Variants in ZIC4 observed in about 807,000 individuals in gnomAD.
The protein encoded by ZIC4 is zinc finger protein ZIC 4.
ZIC4 carries 15 observed loss-of-function variants against 28.8 expected under a neutral mutation model. That is an observed-to-expected ratio of 0.52 (90% CI 0.35 to 0.80). ZIC4 has a LOEUF of 0.80. Ranked by LOEUF, ZIC4 falls within the 30% of genes least tolerant of loss-of-function variation. The pLI is 0.01. For missense variants in ZIC4, 512 were observed against 467.1 expected, an observed-to-expected ratio of 1.10 and a Z score of -0.89; for synonymous variants, 220 against 198.1, an observed-to-expected ratio of 1.11 and a Z score of -0.93.
chr3:147,404,297 T>C, intron 1 of ZIC4: 1 of 1,414,472 alleles, frequency 7.1e-7, no homozygotes, highest in Non-Finnish European at 9.2e-7. Context: ...CCAGGTCCTG[T>C]CAGCCTTTTG....
At chr3:147,391,464 C>A in intron 3 of ZIC4, 1 of 529,478 alleles carries the variant, frequency 1.9e-6, no homozygotes, top group Non-Finnish European at 3.3e-6. Context: ...CGCCTTCCTC[C>A]TCTGGGCTCA....
Position 147,396,167 on chromosome 3 carries a change from T to C in ZIC4, c.373A>G (p.Lys125Glu). 4 of 1,614,090 alleles carry C rather than the reference T, an allele frequency of 2.5e-6. No individual in the cohort carries two copies. Among genetic ancestry groups the C allele is most frequent in the Non-Finnish European group, 3.4e-6 (4 of 1,180,010 alleles). ...AGCCACTTGCAGATGAGCTCCTGTTTGATGGGCTGGCGCATGTAGCGGAAG... is the reference window on the plus strand; with the variant it reads ...AGCCACTTGCAGATGAGCTCCTGTTCGATGGGCTGGCGCATGTAGCGGAAG... Reference protein sequence around the residue: ...AFFRYMRQPIKQELICKWLAA... With the variant: ...AFFRYMRQPIEQELICKWLAA... The change falls in exon 3 of 5, where the codon AAA becomes GAA. Residue 125 changes from lysine to glutamate, a missense_variant. By Grantham distance (56) the Lys-to-Glu change is moderately conservative. Around this residue, in one of 3 missense-constraint regions of ZIC4, gnomAD observed 310 missense variants for 256.5 expected, o/e 1.21. Coordinates refer to ENST00000383075, the MANE Select transcript of ZIC4 (RefSeq NM_032153.6). The surrounding 1 kb of genome is among the most constrained non-coding windows in gnomAD (Gnocchi z 4.2).
At chr3:147,397,687 C>T (rs534993615) in intron 2 of ZIC4, among the ~76,000 whole-genome samples, 2 of 152,120 alleles carry the variant, frequency 1.3e-5, no homozygotes, top group African/African-American at 4.8e-5. Context: ...GTCCCTGCAG[C>T]CTGCAAGAGG....
rs956682477 is a variant in ZIC4 at position 147,388,164 on chromosome 3, G to A, written c.*695C>T. On this transcript the variant is annotated 3_prime_UTR_variant, in exon 5 of 5. Transcript: ENST00000383075. ...GAGAGCGCAGTGACAGTATTAAATGGCGTGAAAGCAAAGGTCAGCGCAAAT... is the reference window on the plus strand; with the variant it reads ...GAGAGCGCAGTGACAGTATTAAATGACGTGAAAGCAAAGGTCAGCGCAAAT... The A allele has an allele frequency of 6.6e-6, 1 of 152,582 alleles. No homozygotes were observed. The highest frequency in any genetic ancestry group is 1.5e-5 in the Non-Finnish European group (1 of 68,074). 9.5% of individuals were successfully genotyped at this position (152,582 alleles called of 1,614,324 possible).
At position 147,396,254 on chromosome 3, in the gene ZIC4, G is replaced by T; in HGVS notation, c.286C>A (p.His96Asn). 1 of 1,612,950 alleles carries T rather than the reference G, an allele frequency of 6.2e-7. No homozygotes were observed. The highest frequency in any genetic ancestry group is 8.5e-7 in the Non-Finnish European group (1 of 1,179,442). Reference protein sequence around the residue: ...SDALAAAAALHGYGGMNLTVN... With the variant: ...SDALAAAAALNGYGGMNLTVN... ...GTCAGGTTCATGCCCCCGTAGCCAT[G>T]CAGGGCTGCGGCAGCTGCCAGGGCG... Residue 96 changes from histidine to asparagine, a missense_variant, in exon 3 of 5, where the codon CAT becomes AAT. His to Asn is a moderately conservative substitution (Grantham distance 68, BLOSUM62 1). Around this residue, in one of 3 missense-constraint regions of ZIC4, gnomAD observed 310 missense variants for 256.5 expected, o/e 1.21. Transcript: ENST00000383075. The surrounding 1 kb of genome is among the most constrained non-coding windows in gnomAD (Gnocchi z 4.2).
Position 147,391,209 on chromosome 3 carries a change from C to T in ZIC4, c.726G>A (p.Glu242=), listed in dbSNP as rs374265221. 6.2e-7 allele frequency: 1 copy of T among 1,604,106 alleles called. No homozygotes were observed. Among genetic ancestry groups the T allele is most frequent in the Admixed American group, 1.7e-5 (1 of 59,738 alleles). ...GGTCGCTGCTGTTGGCGAAGCGCCG[C>T]TCGCAGCCCTCGAACTCGCATCTGA... The part of the protein sequence containing the change: ...KPFRCEFEGC[E]RRFANSSDRK... The change falls in exon 4 of 5, where the codon GAG becomes GAA. Residue 242 remains glutamate, a synonymous_variant. Transcript: ENST00000383075.
chr3:147,405,301 G>A, intron 1 of ZIC4: 1 of 1,399,810 alleles, frequency 7.1e-7, no homozygotes, highest in Non-Finnish European at 9.5e-7. Context: ...TGAGACAGGA[G>A]AAAAAAGAGC....
At position 147,396,627 on chromosome 3, in the gene ZIC4, A is replaced by G; in HGVS notation, c.71-158T>C. 1.1e-6 allele frequency: 1 copy of G among 945,836 alleles called. No homozygotes were observed. The highest frequency in any genetic ancestry group is 2.5e-5 in the South Asian group (1 of 40,126). 58.6% of individuals were successfully genotyped at this position (945,836 alleles called of 1,614,324 possible). A position where few individuals can be genotyped will look rare whatever the true frequency, so the allele number is the denominator to read the frequency against. On this transcript the variant is annotated intron_variant, in intron 2 of 4. Transcript: ENST00000383075. The surrounding 1 kb of genome is among the most constrained non-coding windows in gnomAD (Gnocchi z 4.2). ...AGCGCCAGCAGTGAACCCGGTGGAC[A>G]GAGCAAGGCCAAACACCTCCGCCGC...
chr3:147,391,364 A>T, intron 3 of ZIC4, 118 bp from the exon 4 acceptor site: 3 of 1,326,972 alleles, frequency 2.3e-6, no homozygotes, highest in African/African-American at 3.0e-5. Context: ...ATTTTCAGAA[A>T]TCCCTTTCCA....
At position 147,396,515 on chromosome 3, in the gene ZIC4, T is replaced by A. The variant is rs1269439180; in HGVS notation, c.71-46A>T. The A allele has an allele frequency of 6.7e-7, 1 of 1,489,070 alleles. No homozygotes were observed. Among genetic ancestry groups the A allele is most frequent in the African/African-American group, 1.4e-5 (1 of 71,450 alleles). 92.2% of individuals were successfully genotyped at this position (1,489,070 alleles called of 1,614,324 possible). Reference sequence around the variant, plus strand: ...GCGCATGAGAACGGGTGGCGTGGGCTGCGCGCTCTTCCCTGGGCCCCGGGG... The same window carrying A: ...GCGCATGAGAACGGGTGGCGTGGGCAGCGCGCTCTTCCCTGGGCCCCGGGG... On this transcript the variant is annotated intron_variant, in intron 2 of 4. Coordinates refer to ENST00000383075, the MANE Select transcript of ZIC4 (RefSeq NM_032153.6). This position sits in a 1 kb window ranked among gnomAD's most constrained non-coding sequence, Gnocchi z 4.2.
At chr3:147,397,871 A>G (rs2087082604) in intron 2 of ZIC4, among the ~76,000 whole-genome samples, 1 of 150,928 alleles carries the variant, frequency 6.6e-6, no homozygotes, top group African/African-American at 2.4e-5. Context: ...CAAAACGTCT[A>G]CCTCACTTCG....
intron 1 of ZIC4, 52 bp downstream of exon 1, chr3:147,406,311 G>A (rs991110258): frequency 6.6e-6 from 1 of 152,376 alleles, no homozygotes; most frequent in African/African-American, 2.4e-5. Flanking sequence ...TTGCTACCCG[G>A]TCGCTGGAGG....
intron 3 of ZIC4, chr3:147,393,987 G>A (rs544061289): frequency 2.2e-6 from 1 of 455,520 alleles, no homozygotes; most frequent in African/African-American, 2.0e-5. Flanking sequence ...CCTGTTTGCC[G>A]CTTCTGCTAC....
At chr3:147,392,993 CA>C in intron 3 of ZIC4, 1 of 149,330 alleles carries the variant, frequency 6.7e-6, no homozygotes, top group East Asian at 2.0e-4. Context: ...TTTGCAAACC[CA>C]AAACTTTCTT....
rs548029732 is a variant in ZIC4, at chr3:147,402,761, A to G, written c.37T>C (p.Leu13=). The G allele has an allele frequency of 1.9e-5, 30 of 1,613,936 alleles. No individual in the cohort carries two copies. In the East Asian group the frequency reaches 5.6e-4, roughly 30 times the overall value. ...YKTSLVMRKR[L]RLYRNTLKES... ...TTAAGAGTGTTTCGGTAAAGCCGTA[A>G]TCGTTTCCTCATCACCAAGGATGTC... The change falls in exon 2 of 5, where the codon TTA becomes CTA. Residue 13 remains leucine (L), a synonymous_variant. Coordinates refer to ENST00000383075, the MANE Select transcript of ZIC4 (RefSeq NM_032153.6).
intron 2 of ZIC4, among the ~76,000 whole-genome samples, chr3:147,397,466 G>A (rs144789218): frequency 1.6e-3 from 239 of 149,066 alleles, no homozygotes; most frequent in African/African-American, 5.7e-3. Flanking sequence ...GCTCTGACCC[G>A]GGCACAAATC....
chr3:147,391,109 T>G lies in ZIC4; in HGVS notation c.826A>C (p.Thr276Pro). The change falls in exon 4 of 5, where the codon ACG becomes CCG. Residue 276 changes from threonine to proline, a missense_variant. Around this residue, in one of 3 missense-constraint regions of ZIC4, gnomAD observed 144 missense variants for 116.8 expected, o/e 1.23. Transcript: ENST00000383075. The stretch of plus-strand genomic sequence containing the variant: ...TGCTTACGCAGCGAGCTGGGGTGCG[T>G]GTAGCACTTGTCGCAGCCCCGCACC... ...CKVRGCDKCY[T>P]HPSSLRKHMK... 6.2e-7 allele frequency: 1 copy of G among 1,614,140 alleles called. No homozygotes were observed. Among genetic ancestry groups the G allele is most frequent in the South Asian group, 1.1e-5 (1 of 91,086 alleles).
intron 3 of ZIC4, among the ~76,000 whole-genome samples, chr3:147,394,405 C>A (rs1260368718): frequency 6.6e-6 from 1 of 150,736 alleles, no homozygotes; most frequent in Non-Finnish European, 1.5e-5. Flanking sequence ...AAGAATTTAA[C>A]CATTTTCTGC....
At position 147,396,495 on chromosome 3, in the gene ZIC4, T is replaced by A. The variant is rs1384186483; in HGVS notation, c.71-26A>T. ...CTGTTGTCGAAACAAATAGCGCGCA[T>A]GAGAACGGGTGGCGTGGGCTGCGCG... On this transcript the variant is annotated intron_variant, in intron 2 of 4. Transcript: ENST00000383075. The surrounding 1 kb of genome is among the most constrained non-coding windows in gnomAD (Gnocchi z 4.2). The A allele has an allele frequency of 4.7e-6, 7 of 1,499,164 alleles. No individual in the cohort carries two copies. The highest frequency in any genetic ancestry group is 2.3e-5 in the Admixed American group (1 of 43,166). The allele number at this position is 1,499,164 out of a possible 1,614,324, so 92.9% of individuals were successfully genotyped here.
Sources: allele counts gnomAD v4.1 joint callset (sites outside exome capture counted in the v4.1 genomes callset), GRCh38; gene constraint gnomAD v4.1.1; regional missense constraint gnomAD v4.1.1; non-coding constraint Gnocchi (gnomAD v3.1); transcripts MANE v1.5; gene names NCBI Gene and HGNC (gene_info 2026-07-23, HGNC 2026-07-21).